Variants in MALRD1 observed in about 807,000 individuals in gnomAD.
The protein encoded by MALRD1 is MAM and LDL receptor class A domain containing 1.
In MALRD1, 247 loss-of-function variants were observed where a neutral mutation model predicts 242.1. The observed-to-expected ratio is 1.02, with a 90% confidence interval of 0.92 to 1.13. MALRD1 has a LOEUF of 1.13. MALRD1 is among the 50% of genes most tolerant of loss of function. The probability of loss-of-function intolerance (pLI) is 0.00; values close to 1 mark genes in which losing one functional copy is unlikely to be tolerated. For synonymous variants in MALRD1, 995 were observed against 866.6 expected, an observed-to-expected ratio of 1.15 and a Z score of -2.60; for missense variants, 2,989 against 2,533.1, an observed-to-expected ratio of 1.18 and a Z score of -3.86.
In MALRD1 at chr10:19,533,206, C is replaced by T. The variant is rs117787173; in HGVS notation, c.5478+1855C>T. 4.7e-3 allele frequency among the ~76,000 whole-genome samples: 709 copies of T among 152,332 alleles called. 5 individuals are homozygous for T. Among genetic ancestry groups the T allele is most frequent in the Admixed American group, 0.011 (166 of 15,300 alleles). ...GTTCCTTAGTTACCCAGTTAAGTGG[C>T]CCTCTGTGTTTAGCCATGTTTCTGT... On this transcript the variant is annotated intron_variant, in intron 32 of 39. Transcript: ENST00000454679.
chr10:19,113,818 CACACACACACACAG>C (rs766418681), intron 5 of MALRD1, among the ~76,000 whole-genome samples: 1,549 of 147,452 alleles, frequency 0.011, 10 homozygotes, highest in Non-Finnish European at 0.017. Flanking sequence ...CACACACACA[CACACACACACACAG>C]ACACACACAC....
At chr10:19,196,589 A>G (rs1490363165) in intron 14 of MALRD1, among the ~76,000 whole-genome samples, 1 of 146,584 alleles carries the variant, frequency 6.8e-6, no homozygotes, top group Non-Finnish European at 1.5e-5. Flanking sequence ...CACTTAGATA[A>G]TTTTCTAATT....
chr10:19,615,950 T>G (rs62881061), intron 36 of MALRD1, 27 bp downstream of exon 36: 756,465 of 1,511,442 alleles, frequency 0.5, 193,393 homozygotes, highest in Non-Finnish European at 0.53. Flanking sequence ...AATTTTTTTT[T>G]TTAAGATTTT....
chr10:19,202,568 A>T (rs1049897358), intron 14 of MALRD1, among the ~76,000 whole-genome samples: 1 of 152,068 alleles, frequency 6.6e-6, no homozygotes, highest in African/African-American at 2.4e-5. Context: ...TCATTTAGTG[A>T]TTTAGTTTAC....
At chr10:19,464,594 T>C (rs1057097650) in intron 29 of MALRD1, among the ~76,000 whole-genome samples, 19 of 152,290 alleles carry the variant, frequency 1.2e-4, no homozygotes, top group African/African-American at 3.4e-4. Flanking sequence ...ACCACTACCA[T>C]GCTGTTTTGG....
At chr10:19,673,424 T>C (rs1842009719) in intron 36 of MALRD1, among the ~76,000 whole-genome samples, 1 of 152,084 alleles carries the variant, frequency 6.6e-6, no homozygotes, top group South Asian at 2.1e-4. Context: ...GCCTTTTCCT[T>C]ATATGATTAG....
At chr10:19,446,088 G>C (rs574406747) in intron 28 of MALRD1, among the ~76,000 whole-genome samples, 1 of 152,174 alleles carries the variant, frequency 6.6e-6, no homozygotes, top group South Asian at 2.1e-4. Flanking sequence ...CTCCGAGCCA[G>C]GCGTGGGATA....
chr10:19,603,799 G>T (rs1838479339), intron 34 of MALRD1, among the ~76,000 whole-genome samples: 1 of 152,112 alleles, frequency 6.6e-6, no homozygotes, highest in African/African-American at 2.4e-5. Flanking sequence ...GGTGATCTGT[G>T]ATCAGTGATC....
At chr10:19,361,605 C>G (rs924666453) in intron 26 of MALRD1, among the ~76,000 whole-genome samples, 4 of 152,050 alleles carry the variant, frequency 2.6e-5, no homozygotes, top group East Asian at 1.9e-4. Context: ...TGGCTTATCC[C>G]TAGTTAAACT....
At chr10:19,656,170 T>C (rs1841145151) in intron 36 of MALRD1, among the ~76,000 whole-genome samples, 1 of 152,098 alleles carries the variant, frequency 6.6e-6, no homozygotes, top group Non-Finnish European at 1.5e-5. Flanking sequence ...TCAGAACTTA[T>C]CAAAAAGCAG....
rs76727852 is a variant in MALRD1 at position 19,607,459 on chromosome 10, T to C, written c.5945-318T>C. 4.3e-3 allele frequency among the ~76,000 whole-genome samples: 651 copies of C among 152,208 alleles called. 2 individuals carry two copies. Among genetic ancestry groups the C allele is most frequent in the African/African-American group, 0.015 (623 of 41,558 alleles). ...TCTTCTTATAACCTTTGTTACCTTC[T>C]TAAAGCTCCTATCTGTAAATACAGT... On this transcript the variant is annotated intron_variant, in intron 34 of 39. Transcript: ENST00000454679.
intron 28 of MALRD1, among the ~76,000 whole-genome samples, chr10:19,393,472 G>A (rs1239025405): frequency 3.1e-5 from 4 of 127,236 alleles, no homozygotes; most frequent in African/African-American, 1.2e-4. Flanking sequence ...TTGAGACCGA[G>A]TCTCGCTCTG....
chr10:19,408,299 G>T (rs939410737), intron 28 of MALRD1, among the ~76,000 whole-genome samples: 1 of 152,146 alleles, frequency 6.6e-6, no homozygotes, highest in Non-Finnish European at 1.5e-5. Flanking sequence ...GAAACTGTAG[G>T]TTTCTCAATC....
chr10:19,703,030 C>A (rs1833693760), intron 38 of MALRD1, among the ~76,000 whole-genome samples: 2 of 152,164 alleles, frequency 1.3e-5, no homozygotes, highest in Non-Finnish European at 2.9e-5. Flanking sequence ...TTTTATTATA[C>A]ATTCTGTGAC....
chr10:19,574,897 T>C (rs1836732517), intron 33 of MALRD1, among the ~76,000 whole-genome samples: 1 of 152,112 alleles, frequency 6.6e-6, no homozygotes, highest in Admixed American at 6.5e-5. Flanking sequence ...TCATTGCAGT[T>C]AGATGCAGAA....
chr10:19,607,789 G>C lies in MALRD1; in HGVS notation c.5957G>C (p.Cys1986Ser). The change falls in exon 35 of 40, where the codon TGT becomes TCT. Residue 1986 changes from cysteine (C) to serine (S), a missense_variant. By Grantham distance (112) the Cys-to-Ser change is moderately radical. Coordinates refer to ENST00000454679, the MANE Select transcript of MALRD1 (RefSeq NM_001142308.3). ...EDELICSNKS[C>S]SNGALVCASS... Reference sequence around the variant, plus strand: ...TTTTTTTTTGCAGCCAACAAAAGCTGTTCTAATGGAGCTCTGGTGTGTGCC... The same window carrying C: ...TTTTTTTTTGCAGCCAACAAAAGCTCTTCTAATGGAGCTCTGGTGTGTGCC... The C allele has an allele frequency of 1.3e-6, 2 of 1,548,960 alleles. No homozygotes were observed. Among genetic ancestry groups the C allele is most frequent in the Admixed American group, 2.0e-5 (1 of 50,912 alleles).
intron 32 of MALRD1, among the ~76,000 whole-genome samples, chr10:19,535,694 C>T (rs77300395): frequency 0.02 from 2,971 of 151,674 alleles, 52 homozygotes; most frequent in Non-Finnish European, 0.026. Context: ...TGCAGTCTTA[C>T]GTATTTTATA....
At chr10:19,437,863 G>A (rs1385167856) in intron 28 of MALRD1, among the ~76,000 whole-genome samples, 1 of 151,928 alleles carries the variant, frequency 6.6e-6, no homozygotes, top group Non-Finnish European at 1.5e-5. Flanking sequence ...ATTCATTTAA[G>A]CTTTTTTTCT....
chr10:19,680,546 G>A (rs999349623), intron 36 of MALRD1, among the ~76,000 whole-genome samples: 1 of 152,072 alleles, frequency 6.6e-6, no homozygotes, highest in Non-Finnish European at 1.5e-5. Flanking sequence ...ATGTGAGATG[G>A]ATCTCTTGAA....
Sources: gnomAD v4.1 joint callset for allele counts (sites outside exome capture counted in the v4.1 genomes callset) on GRCh38, gnomAD v4.1.1 for gene constraint, MANE v1.5 for transcripts, NCBI Gene and HGNC (gene_info 2026-07-23, HGNC 2026-07-21) for gene names.